Variants in BNC2 observed in about 807,000 individuals in gnomAD.
BNC2 encodes zinc finger protein basonuclin-2.
In BNC2, 20 loss-of-function variants were observed where a neutral mutation model predicts 76.3. The ratio of observed to expected loss-of-function variants is 0.26; its 90% CI spans 0.18 to 0.38. The LOEUF (loss-of-function observed/expected upper bound fraction) is 0.38, where lower values mean the gene tolerates loss of function less well. Ranked by LOEUF, BNC2 falls within the 10% of genes least tolerant of loss-of-function variation. The probability of loss-of-function intolerance (pLI) is 1.00; values close to 1 mark genes in which losing one functional copy is unlikely to be tolerated. For missense variants in BNC2, 1,382 were observed against 1,399.8 expected, an observed-to-expected ratio of 0.99 and a Z score of 0.20; for synonymous variants, 582 against 514.8, an observed-to-expected ratio of 1.13 and a Z score of -1.77.
At chr9:16,438,363 C>T (rs1192582259) in intron 5 of BNC2, among the ~76,000 whole-genome samples, 1 of 152,182 alleles carries the variant, frequency 6.6e-6, no homozygotes, top group Non-Finnish European at 1.5e-5. Context: ...AGTTGTCTCT[C>T]AGCATCCTCC....
At chr9:16,488,870 T>C (rs1041389823) in intron 5 of BNC2, among the ~76,000 whole-genome samples, 3 of 152,142 alleles carry the variant, frequency 2.0e-5, no homozygotes, top group Admixed American at 1.3e-4. Flanking sequence ...GTAGACCCAG[T>C]AAAAATTACA....
rs1176792609 is a variant in BNC2, at chr9:16,552,526, C to G, written c.669+4G>C. ...CACGGGCGGCGTTCAAGTCCTCTCC[C>G]TACCTGAAGGATGTATCCTCGGACA... On this transcript the variant is annotated splice_donor_region_variant and intron_variant, in intron 5 of 6. Transcript: ENST00000380672. 6.2e-7 allele frequency: 1 copy of G among 1,613,900 alleles called. No homozygotes were observed. The highest frequency in any genetic ancestry group is 8.5e-7 in the Non-Finnish European group (1 of 1,179,808).
intron 5 of BNC2, among the ~76,000 whole-genome samples, chr9:16,459,957 T>TA (rs1312846059): frequency 2.0e-5 from 3 of 152,194 alleles, no homozygotes; most frequent in Non-Finnish European, 2.9e-5. Context: ...ATTTCCATCT[T>TA]ATTACCTAGA....
chr9:16,459,806 C>A (rs534603642), intron 5 of BNC2, among the ~76,000 whole-genome samples: 6 of 152,214 alleles, frequency 3.9e-5, no homozygotes, highest in Admixed American at 1.3e-4. Flanking sequence ...AGAAAAAAAA[C>A]CATAGTAAAT....
intron 3 of BNC2, among the ~76,000 whole-genome samples, chr9:16,631,146 A>G (rs1821149765): frequency 6.6e-6 from 1 of 152,026 alleles, no homozygotes; most frequent in Admixed American, 6.5e-5. Flanking sequence ...AAATAACCAA[A>G]CTTACTTATC....
chr9:16,591,179 T>C (rs1173884823), intron 3 of BNC2, among the ~76,000 whole-genome samples: 2 of 152,202 alleles, frequency 1.3e-5, no homozygotes, highest in Non-Finnish European at 2.9e-5. Flanking sequence ...CACATCACAA[T>C]ACAGCTTGAG....
In BNC2 at chr9:16,717,347, A is replaced by G. The variant is rs186582302; in HGVS notation, c.330+10450T>C. ...CTTTTTTAAGTATATAGCTTTAGGG[A>G]AAAAAAATGGAAATTTCTCAACTAA... is the stretch of plus-strand genomic sequence containing the variant. On this transcript the variant is annotated intron_variant, in intron 3 of 6. Coordinates refer to ENST00000380672, the MANE Select transcript of BNC2 (RefSeq NM_017637.6). 2.1e-3 allele frequency among the ~76,000 whole-genome samples: 311 copies of G among 149,286 alleles called. 1 individual carries two copies. The highest frequency in any genetic ancestry group is 7.6e-3 in the African/African-American group (294 of 38,914).
At chr9:16,540,069 T>C (rs1818270815) in intron 5 of BNC2, among the ~76,000 whole-genome samples, 1 of 152,026 alleles carries the variant, frequency 6.6e-6, no homozygotes, top group Admixed American at 6.6e-5. Context: ...TCTCAATTCA[T>C]TTTTATTAAA....
intron 3 of BNC2, among the ~76,000 whole-genome samples, chr9:16,652,810 T>C (rs1447060888): frequency 1.3e-5 from 2 of 152,168 alleles, no homozygotes; most frequent in East Asian, 3.9e-4. Context: ...CTCCCTGTTA[T>C]TGTTAGTCAA....
chr9:16,566,543 C>G (rs1010517172), intron 4 of BNC2, among the ~76,000 whole-genome samples: 1 of 152,072 alleles, frequency 6.6e-6, no homozygotes, highest in Non-Finnish European at 1.5e-5. Context: ...TCAAGTATTA[C>G]TTGGGAGATT....
At chr9:16,609,632 T>C (rs777360775) in intron 3 of BNC2, among the ~76,000 whole-genome samples, 26 of 152,312 alleles carry the variant, frequency 1.7e-4, no homozygotes, top group Admixed American at 2.0e-4. Flanking sequence ...ACTATTCAGG[T>C]ACCTGGACAG....
chr9:16,472,625 C>G (rs1821849619), intron 5 of BNC2, among the ~76,000 whole-genome samples: 1 of 152,124 alleles, frequency 6.6e-6, no homozygotes, highest in Non-Finnish European at 1.5e-5. Context: ...TTCTAAAATC[C>G]AAGAATGGTC....
intron 1 of BNC2, among the ~76,000 whole-genome samples, chr9:16,839,191 G>T (rs1270442284): frequency 1.3e-5 from 2 of 152,152 alleles, no homozygotes; most frequent in Non-Finnish European, 2.9e-5. Context: ...TAAAAGTGAA[G>T]CAATAATTCT....
At chr9:16,840,513 T>C (rs1037391212) in intron 1 of BNC2, among the ~76,000 whole-genome samples, 7 of 152,182 alleles carry the variant, frequency 4.6e-5, no homozygotes, top group African/African-American at 1.7e-4. Flanking sequence ...ATCACAAGTG[T>C]TTTTCCTTTA....
chr9:16,605,752 TAACTAA>T (rs1330871163), intron 3 of BNC2, among the ~76,000 whole-genome samples: 1 of 150,158 alleles, frequency 6.7e-6, no homozygotes, highest in Non-Finnish European at 1.5e-5. Flanking sequence ...TAATTAGTGA[TAACTAA>T]TAAAGAGTCC....
At chr9:16,865,185 C>T (rs1819514634) in intron 1 of BNC2, among the ~76,000 whole-genome samples, 1 of 151,694 alleles carries the variant, frequency 6.6e-6, no homozygotes, top group East Asian at 1.9e-4. Flanking sequence ...TCATGAACCA[C>T]AAGTTCCAAG....
chr9:16,507,044 A>G (rs1822644267), intron 5 of BNC2, among the ~76,000 whole-genome samples: 1 of 152,068 alleles, frequency 6.6e-6, no homozygotes, highest in Non-Finnish European at 1.5e-5. Flanking sequence ...ATGAGCCACC[A>G]AGCCCAGCCT....
chr9:16,578,846 A>C (rs1435017404), intron 4 of BNC2, among the ~76,000 whole-genome samples: 7 of 152,208 alleles, frequency 4.6e-5, no homozygotes, highest in Non-Finnish European at 1.0e-4. Flanking sequence ...GGAAAGTAAA[A>C]AATATAGTAT....
intron 5 of BNC2, among the ~76,000 whole-genome samples, chr9:16,494,596 CA>C (rs1306233741): frequency 6.6e-6 from 1 of 152,158 alleles, no homozygotes; most frequent in East Asian, 1.9e-4. Context: ...GATGTGAAGG[CA>C]AAATTTTTCA....
Sources: gnomAD v4.1 joint callset for allele counts (sites outside exome capture counted in the v4.1 genomes callset) on GRCh38, gnomAD v4.1.1 for gene constraint, MANE v1.5 for transcripts, NCBI Gene and HGNC (gene_info 2026-07-23, HGNC 2026-07-21) for gene names.